HERC2: variants seen among roughly 807,000 people sequenced by gnomAD.
HERC2 encodes the protein E3 ubiquitin-protein ligase HERC2.
Under a neutral mutation model 537.7 loss-of-function variants are expected in HERC2, and 102 were observed. That is an observed-to-expected ratio of 0.19 (90% CI 0.16 to 0.22). HERC2 has a LOEUF of 0.22. Ranked by LOEUF, HERC2 falls within the 10% of genes least tolerant of loss-of-function variation. The pLI is 1.00. For synonymous variants in HERC2, 2,224 were observed against 2,466.2 expected, an observed-to-expected ratio of 0.90 and a Z score of 2.91; for missense variants, 4,236 against 6,198.2, an observed-to-expected ratio of 0.68 and a Z score of 10.63.
intron 23 of HERC2, among the ~76,000 whole-genome samples, chr15:28,239,273 T>G (rs1902796773): frequency 1.3e-5 from 2 of 152,128 alleles, no homozygotes; most frequent in Admixed American, 6.5e-5. Flanking sequence ...TTGAGGGCAT[T>G]TATGCCTTTA....
chr15:28,239,941 A>T (rs966553260), intron 23 of HERC2, among the ~76,000 whole-genome samples: 5 of 152,208 alleles, frequency 3.3e-5, no homozygotes, highest in Admixed American at 6.5e-5. Context: ...CCTAATTCAA[A>T]ATTACCACCT....
chr15:28,113,761 C>G lies in HERC2; in HGVS notation c.13914-83G>C. 8.9e-7 allele frequency: 1 copy of G among 1,122,018 alleles called. No individual in the cohort carries two copies. Among genetic ancestry groups the G allele is most frequent in the Non-Finnish European group, 1.3e-6 (1 of 751,256 alleles). 69.5% of individuals were successfully genotyped at this position (1,122,018 alleles called of 1,614,324 possible). The stretch of plus-strand genomic sequence containing the variant: ...TCACACCAAGCCTTGGCATGCAGCA[C>G]TGTGGCCGCACACGTCCCAGCTGGG... On this transcript the variant is annotated intron_variant, in intron 90 of 92. Coordinates refer to ENST00000261609, the MANE Select transcript of HERC2 (RefSeq NM_004667.6). This position sits in a 1 kb window ranked among gnomAD's most constrained non-coding sequence, Gnocchi z 7.0.
Position 28,270,767 on chromosome 15 carries a change from A to T in HERC2, c.1185T>A (p.Val395=), listed in dbSNP as rs201661507. Reference sequence around the variant, plus strand: ...CCAGACGGTCTAAATGGGCCATGACAACAACCGCCGTTTGTCGCAGATCAA... The same window carrying T: ...CCAGACGGTCTAAATGGGCCATGACTACAACCGCCGTTTGTCGCAGATCAA... ...LAIDLRQTAV[V]VMAHLDRLAT... The change falls in exon 10 of 93, where the codon GTT becomes GTA. Residue 395 remains valine (V), a synonymous_variant. Coordinates refer to ENST00000261609, the MANE Select transcript of HERC2 (RefSeq NM_004667.6). 61 of 1,613,990 alleles carry T rather than the reference A, an allele frequency of 3.8e-5. No homozygotes were observed. In the Admixed American group the frequency reaches 4.8e-4, roughly 13 times the overall value.
intron 55 of HERC2, among the ~76,000 whole-genome samples, chr15:28,189,810 A>G (rs1475394942): frequency 1.3e-5 from 2 of 152,174 alleles, no homozygotes; most frequent in African/African-American, 2.4e-5. Context: ...ACAAATTACT[A>G]TTTGGTTAAA....
Position 28,194,069 on chromosome 15 carries a change from T to A in HERC2, c.8261-1918A>T, listed in dbSNP as rs990984388. ...ACATGTATTGTTTGATCCTTTGACC[T>A]TTTTTTTTTTTTTTGAGACAGAATC... On this transcript the variant is annotated intron_variant, in intron 52 of 92. Coordinates refer to ENST00000261609, the MANE Select transcript of HERC2 (RefSeq NM_004667.6). 1.0e-3 allele frequency among the ~76,000 whole-genome samples: 142 copies of A among 136,386 alleles called. 1 individual carries two copies. The East Asian group carries it at 0.03, about 29-fold the overall frequency. The allele number at this position is 136,386 out of a possible 152,430, so 89.5% of individuals were successfully genotyped here. A position where few individuals can be genotyped will look rare whatever the true frequency, so the allele number is the denominator to read the frequency against.
chr15:28,232,802 A>G (rs140787364), intron 30 of HERC2, among the ~76,000 whole-genome samples: 41 of 152,366 alleles, frequency 2.7e-4, no homozygotes, highest in African/African-American at 9.6e-4. Context: ...AAGAATGGCA[A>G]TAAGTTTAAA....
In HERC2 at chr15:28,256,134, C is replaced by T. The variant is rs939625848; in HGVS notation, c.2701G>A (p.Ala901Thr). Residue 901 changes from alanine (A) to threonine (T), a missense_variant, in exon 18 of 93, where the codon GCG becomes ACG. Transcript: ENST00000261609. Reference protein sequence around the residue: ...QSGWSVLLPTAEERARALSAL... With the variant: ...QSGWSVLLPTTEERARALSAL... ...GAGAGTGCCCGGGCCCGCTCCTCCG[C>T]GGTGGGCAGCAGCACGGACCAGCCA... 2.5e-6 allele frequency: 4 copies of T among 1,601,592 alleles called. No homozygotes were observed. The highest frequency in any genetic ancestry group is 2.5e-6 in the Non-Finnish European group (3 of 1,179,492).
intron 3 of HERC2, among the ~76,000 whole-genome samples, chr15:28,295,442 A>G (rs1318881339): frequency 1.3e-5 from 2 of 152,124 alleles, no homozygotes; most frequent in Non-Finnish European, 2.9e-5. Flanking sequence ...CTTTTGAGAC[A>G]GAGTCTTGAC....
In HERC2 at chr15:28,274,210, G is replaced by GAA. The variant is rs1351006268; in HGVS notation, c.800+80_800+81insTT. ...AAAAACCAACCTACTAGGCTTCTTA[G>GAA]CTCTAAAGCAAGGGTGGTAAGAACC... On this transcript the variant is annotated intron_variant, in intron 7 of 92. Coordinates refer to ENST00000261609, the MANE Select transcript of HERC2 (RefSeq NM_004667.6). 2.1e-6 allele frequency: 3 copies of GAA among 1,460,758 alleles called. No homozygotes were observed. The African/African-American group carries it at 4.2e-5, about 21-fold the overall frequency. 90.5% of individuals were successfully genotyped at this position (1,460,758 alleles called of 1,614,324 possible). A position where few individuals can be genotyped will look rare whatever the true frequency, so the allele number is the denominator to read the frequency against.
intron 4 of HERC2, among the ~76,000 whole-genome samples, chr15:28,285,859 A>T (rs2141090492): frequency 6.6e-6 from 1 of 151,798 alleles, no homozygotes; most frequent in East Asian, 1.9e-4. Flanking sequence ...CGGACTCTAA[A>T]GATACCAAAA....
In HERC2 at chr15:28,125,200, G is replaced by T. The variant is rs964612146; in HGVS notation, c.12803-7C>A. On this transcript the variant is annotated splice_region_variant and splice_polypyrimidine_tract_variant and intron_variant, in intron 83 of 92. Transcript: ENST00000261609. ...CCCCATGTATAAACCTCACCTGAAT[G>T]AAGTGAATTTAGAATCAGAACCTGT... is the stretch of plus-strand genomic sequence containing the variant. The T allele has an allele frequency of 5.0e-6, 8 of 1,599,302 alleles. No homozygotes were observed. The highest frequency in any genetic ancestry group is 1.7e-4 in the Middle Eastern group (1 of 6,024).
rs1471022794 is a variant in HERC2, at chr15:28,263,185, G to T, written c.1871-16C>A. ...CACACTTGCCCTAAAAAATACAAATGCATTTAAATAACAACAACTCTGCAT... is the reference window on the plus strand; with the variant it reads ...CACACTTGCCCTAAAAAATACAAATTCATTTAAATAACAACAACTCTGCAT... On this transcript the variant is annotated splice_polypyrimidine_tract_variant and intron_variant, in intron 14 of 92. Coordinates refer to ENST00000261609, the MANE Select transcript of HERC2 (RefSeq NM_004667.6). The T allele has an allele frequency of 3.8e-6, 6 of 1,592,492 alleles. No individual in the cohort carries two copies. The highest frequency in any genetic ancestry group is 5.1e-6 in the Non-Finnish European group (6 of 1,167,182).
intron 45 of HERC2, chr15:28,203,658 G>A (rs943244243): frequency 1.3e-5 from 2 of 151,898 alleles, no homozygotes; most frequent in Admixed American, 1.3e-4. Context: ...AACCACAGAC[G>A]GCGCACCTTC....
intron 69 of HERC2, among the ~76,000 whole-genome samples, chr15:28,157,644 A>G (rs1893148079): frequency 6.6e-6 from 1 of 151,858 alleles, no homozygotes; most frequent in Non-Finnish European, 1.5e-5. Flanking sequence ...TTTTCTTATT[A>G]GTCTTGCTAG....
chr15:28,318,365 G>C (rs1304597235), intron 2 of HERC2, among the ~76,000 whole-genome samples: 1 of 152,146 alleles, frequency 6.6e-6, no homozygotes, highest in Non-Finnish European at 1.5e-5. Flanking sequence ...GGTGGCTCAC[G>C]CCTATAATCC....
rs747205316 is a variant in HERC2 at position 28,233,779 on chromosome 15, T to C, written c.4236A>G (p.Ile1412Met). ...AATGGCACTGCCTACAGTACCTTTC[T>C]ATTTGACACAAAAAGTCCTGCAACA... ...DHNVKDFLCQ[I>M]ERYCRQCHLT... Residue 1412 changes from isoleucine to methionine, a missense_variant, in exon 28 of 93, where the codon ATA becomes ATG. Physicochemically the swap from Ile to Met is conservative, Grantham distance 10 (BLOSUM62 1). Transcript: ENST00000261609. The C allele has an allele frequency of 1.2e-6, 2 of 1,612,454 alleles. No individual in the cohort carries two copies. The highest frequency in any genetic ancestry group is 1.7e-5 in the Admixed American group (1 of 60,018).
At chr15:28,167,552 G>C (rs576676324) in intron 68 of HERC2, 135 bp downstream of exon 68, 2 of 1,028,726 alleles carry the variant, frequency 1.9e-6, no homozygotes, top group Admixed American at 4.8e-5. Context: ...CAAACGCTTC[G>C]AAGATGCTAA....
chr15:28,304,702 A>AC (rs2076731992), intron 2 of HERC2, among the ~76,000 whole-genome samples: 1 of 108,346 alleles, frequency 9.2e-6, no homozygotes, highest in Admixed American at 9.1e-5. Flanking sequence ...AAGGGCTTCC[A>AC]TTTTTTTTTT....
intron 57 of HERC2, among the ~76,000 whole-genome samples, chr15:28,181,231 C>T (rs1290498709): frequency 6.6e-6 from 1 of 152,140 alleles, no homozygotes; most frequent in Non-Finnish European, 1.5e-5. Flanking sequence ...TCATCACAAC[C>T]GTGGAACACC....
Sources: allele counts gnomAD v4.1 joint callset (sites outside exome capture counted in the v4.1 genomes callset), GRCh38; gene constraint gnomAD v4.1.1; non-coding constraint Gnocchi (gnomAD v3.1); transcripts MANE v1.5; gene names NCBI Gene and HGNC (gene_info 2026-07-23, HGNC 2026-07-21).